The following NOX4 variants were observed in gnomAD, a reference collection of about 807,000 sequenced individuals.
The protein encoded by NOX4 is kidney oxidase-1.
A neutral mutation model predicts 87.6 loss-of-function variants in NOX4; 69 were observed. The ratio of observed to expected loss-of-function variants is 0.79; its 90% CI spans 0.65 to 0.96. NOX4 has a LOEUF of 0.96. Ranked by LOEUF, NOX4 falls within the 40% of genes least tolerant of loss-of-function variation. The pLI is 0.00. For missense variants in NOX4, 680 were observed against 681.5 expected (o/e 1.00, Z 0.02); for synonymous variants, 275 against 238.2 (o/e 1.15, Z -1.42).
the NOX4 span, among the ~76,000 whole-genome samples, chr11:89,580,774 G>A: frequency 6.6e-6 from 1 of 152,126 alleles, no homozygotes; most frequent in African/African-American, 2.4e-5. Context: ...TTCCTGCACA[G>A]AGTCCCTAAA....
chr11:89,554,880 GC>G, the NOX4 span, among the ~76,000 whole-genome samples: 1 of 151,926 alleles, frequency 6.6e-6, no homozygotes, highest in African/African-American at 2.4e-5. Flanking sequence ...CAAACTTTAT[GC>G]TTTATTATTC....
chr11:89,554,597 G>C, the NOX4 span, among the ~76,000 whole-genome samples: 2 of 151,984 alleles, frequency 1.3e-5, no homozygotes, highest in African/African-American at 4.8e-5. Flanking sequence ...AAATATCTTG[G>C]AAGGAGGCAT....
chr11:89,373,567 T>C (rs1591052480), intron 11 of NOX4, 75 bp from the exon 12 acceptor site: 1 of 958,622 alleles, frequency 1.0e-6, no homozygotes, highest in Admixed American at 1.8e-5. Context: ...ACAACTTTTA[T>C]CCTGATAGCA....
the NOX4 span, chr11:89,557,002 C>T: frequency 6.6e-6 from 1 of 152,104 alleles, no homozygotes; most frequent in Admixed American, 6.6e-5. Flanking sequence ...CCATGACAAC[C>T]AGTAGCTCTC....
intron 6 of NOX4, among the ~76,000 whole-genome samples, chr11:89,434,036 T>C (rs759139588): frequency 6.6e-6 from 1 of 152,044 alleles, no homozygotes; most frequent in Non-Finnish European, 1.5e-5. Context: ...AAAGAAAAGC[T>C]ATTGGGACAA....
At chr11:89,366,132 GT>G (rs1565202104) in intron 12 of NOX4, among the ~76,000 whole-genome samples, 2 of 152,018 alleles carry the variant, frequency 1.3e-5, no homozygotes, top group African/African-American at 4.8e-5. Context: ...TAGCCATTCA[GT>G]ACATTATGTG....
At chr11:89,539,258 C>A in the NOX4 span, among the ~76,000 whole-genome samples, 1 of 152,056 alleles carries the variant, frequency 6.6e-6, no homozygotes, top group African/African-American at 2.4e-5. Flanking sequence ...ACGATGAAAA[C>A]CCATCCCTAC....
At chr11:89,510,639 A>G in the NOX4 span, among the ~76,000 whole-genome samples, 1 of 152,084 alleles carries the variant, frequency 6.6e-6, no homozygotes. Context: ...AGACACCCAT[A>G]GTTTAAGAAA....
At chr11:89,402,740 GAACT>G (rs1171700601) in intron 8 of NOX4, among the ~76,000 whole-genome samples, 198 bp from the exon 9 acceptor site, 1 of 152,022 alleles carries the variant, frequency 6.6e-6, no homozygotes, top group Non-Finnish European at 1.5e-5. Flanking sequence ...CTTATCTATA[GAACT>G]AAAACAAAAA....
At chr11:89,560,992 CTCTCTA>C in the NOX4 span, among the ~76,000 whole-genome samples, 160 of 68,190 alleles carry the variant, frequency 2.3e-3, no homozygotes, top group Middle Eastern at 7.7e-3. Context: ...CTCTCTCTCT[CTCTCTA>C]TATATATATA....
At chr11:89,367,403 C>A (rs1267534795) in intron 12 of NOX4, among the ~76,000 whole-genome samples, 2 of 152,118 alleles carry the variant, frequency 1.3e-5, no homozygotes, top group African/African-American at 4.8e-5. Context: ...TGTACACTAA[C>A]TCTCTCCACT....
chr11:89,497,400 T>G (rs1003383016), intron 1 of NOX4, among the ~76,000 whole-genome samples: 1 of 55,590 alleles, frequency 1.8e-5, no homozygotes, highest in African/African-American at 5.2e-5. Flanking sequence ...ATGATTGGAC[T>G]TCTATAGTCT....
At chr11:89,376,839 G>A (rs534166789) in intron 11 of NOX4, among the ~76,000 whole-genome samples, 5 of 152,002 alleles carry the variant, frequency 3.3e-5, no homozygotes, top group South Asian at 2.1e-4. Flanking sequence ...CTGAGATCAC[G>A]CCACTGCACT....
chr11:89,582,046 T>C, the NOX4 span, among the ~76,000 whole-genome samples: 1 of 152,150 alleles, frequency 6.6e-6, no homozygotes, highest in Non-Finnish European at 1.5e-5. Flanking sequence ...CTCCAGCTCC[T>C]GTCAGCTGCT....
At chr11:89,374,862 A>G (rs1035220778) in intron 11 of NOX4, among the ~76,000 whole-genome samples, 4 of 152,196 alleles carry the variant, frequency 2.6e-5, no homozygotes, top group Admixed American at 1.3e-4. Flanking sequence ...CGATTGGGTT[A>G]CATAAAGCAA....
the NOX4 span, among the ~76,000 whole-genome samples, chr11:89,543,143 A>G: frequency 6.6e-6 from 1 of 152,168 alleles, no homozygotes; most frequent in Non-Finnish European, 1.5e-5. Context: ...AAACCTAGAC[A>G]TCACCGCTAC....
intron 12 of NOX4, among the ~76,000 whole-genome samples, chr11:89,357,885 C>G (rs777199879): frequency 6.6e-6 from 1 of 151,958 alleles, no homozygotes; most frequent in African/African-American, 2.4e-5. Context: ...GACATATTGA[C>G]AGGACTAAAA....
chr11:89,461,430 G>T (rs183533336), intron 2 of NOX4, among the ~76,000 whole-genome samples: 2,191 of 152,044 alleles, frequency 0.014, 55 homozygotes, highest in African/African-American at 0.05. Context: ...GGATCATGAG[G>T]TCAGGAGATC....
intron 4 of NOX4, among the ~76,000 whole-genome samples, chr11:89,445,512 A>G (rs1000173041): frequency 8.5e-5 from 13 of 152,162 alleles, no homozygotes; most frequent in Admixed American, 8.5e-4. Flanking sequence ...TATTAGCAAA[A>G]GAAAAGACAA....
Sources: allele counts gnomAD v4.1 joint callset (sites outside exome capture counted in the v4.1 genomes callset), GRCh38; gene constraint gnomAD v4.1.1; transcripts MANE v1.5; gene names NCBI Gene and HGNC (gene_info 2026-07-23, HGNC 2026-07-21).